The following GABRG3 variants were observed in gnomAD, a reference collection of about 807,000 sequenced individuals.
GABRG3 encodes gamma-aminobutyric acid receptor subunit gamma-3.
In GABRG3, 25 loss-of-function variants were observed where a neutral mutation model predicts 48.8. The observed-to-expected ratio is 0.51, with a 90% confidence interval of 0.37 to 0.72. The LOEUF (loss-of-function observed/expected upper bound fraction) is 0.72, where lower values mean the gene tolerates loss of function less well. Ranked by LOEUF, GABRG3 falls within the 30% of genes least tolerant of loss-of-function variation. GABRG3 has a pLI of 0.00. For synonymous variants in GABRG3, 227 were observed against 217.6 expected (o/e 1.04, Z -0.38); for missense variants, 394 against 577.9 (o/e 0.68, Z 3.26).
chr15:27,055,020 T>TG (rs1267909521), intron 3 of GABRG3, among the ~76,000 whole-genome samples: 1 of 151,538 alleles, frequency 6.6e-6, no homozygotes, highest in African/African-American at 2.4e-5. Flanking sequence ...TTTTTTTTTT[T>TG]TTTTTTTAAA....
At position 27,105,978 on chromosome 15, in the gene GABRG3, C is replaced by T. The variant is rs368877707; in HGVS notation, c.270+79157C>T. ...GAAGAGATCCTGCCATTTGCCACAA[C>T]ATGAATGAACCTGGAGGATATTATG... On this transcript the variant is annotated intron_variant, in intron 3 of 9. Transcript: ENST00000615808. Among the ~76,000 whole-genome samples, 78 of 152,198 alleles carry T rather than the reference C, an allele frequency of 5.1e-4. No homozygotes were observed. The South Asian group carries it at 0.016, about 31-fold the overall frequency.
At chr15:27,262,368 T>G (rs1439370651) in intron 3 of GABRG3, among the ~76,000 whole-genome samples, 1 of 152,214 alleles carries the variant, frequency 6.6e-6, no homozygotes, top group Non-Finnish European at 1.5e-5. Context: ...AAAGCAAGAA[T>G]GCAACAGGAT....
At chr15:26,987,308 A>G (rs2140643625) in intron 2 of GABRG3, among the ~76,000 whole-genome samples, 1 of 152,314 alleles carries the variant, frequency 6.6e-6, no homozygotes, top group East Asian at 1.9e-4. Context: ...TTGGTTTATG[A>G]GTACCGGAAT....
Position 27,382,844 on chromosome 15 carries a change from G to A in GABRG3, c.574+53956G>A, listed in dbSNP as rs199848361. Among the ~76,000 whole-genome samples the A allele has an allele frequency of 1.4e-4, 21 of 152,250 alleles. No homozygotes were observed. In the East Asian group the frequency reaches 2.7e-3, roughly 20 times the overall value. ...GACCACCGTGGGAGGAGTTGGTTTC[G>A]GTGGAACGATTAGGGAAACATCTGG... is the stretch of plus-strand genomic sequence containing the variant. On this transcript the variant is annotated intron_variant, in intron 5 of 9. Coordinates refer to ENST00000615808, the MANE Select transcript of GABRG3 (RefSeq NM_033223.5).
intron 3 of GABRG3, among the ~76,000 whole-genome samples, chr15:27,126,919 G>C (rs193218632): frequency 8.5e-5 from 13 of 152,186 alleles, no homozygotes; most frequent in African/African-American, 3.1e-4. Flanking sequence ...TAGTGAGGTA[G>C]CATTCGGCCT....
intron 5 of GABRG3, chr15:27,350,360 A>G (rs1595695727): frequency 3.1e-6 from 1 of 324,024 alleles, no homozygotes; most frequent in Non-Finnish European, 6.2e-6. Context: ...ACTACTCAAC[A>G]CTGGGAGGAA....
chr15:27,348,605 C>A (rs2140534000), intron 5 of GABRG3, among the ~76,000 whole-genome samples: 1 of 152,236 alleles, frequency 6.6e-6, no homozygotes, highest in Admixed American at 6.5e-5. Flanking sequence ...TTCTTTTAAC[C>A]ACTGTACTTT....
intron 5 of GABRG3, among the ~76,000 whole-genome samples, chr15:27,341,200 G>A (rs1894164651): frequency 6.6e-6 from 1 of 152,134 alleles, no homozygotes. Flanking sequence ...ACATTTAATG[G>A]TAGGGTACTT....
At chr15:27,048,421 C>T (rs978677434) in intron 3 of GABRG3, among the ~76,000 whole-genome samples, 19 of 152,120 alleles carry the variant, frequency 1.2e-4, no homozygotes, top group African/African-American at 3.1e-4. Flanking sequence ...CATCTGGCCC[C>T]GGCAGCAGGA....
chr15:27,378,489 A>T (rs1300614228), intron 5 of GABRG3, among the ~76,000 whole-genome samples: 1 of 152,184 alleles, frequency 6.6e-6, no homozygotes, highest in Non-Finnish European at 1.5e-5. Context: ...AAATTTACCC[A>T]CTGAGAATAA....
intron 6 of GABRG3, among the ~76,000 whole-genome samples, chr15:27,511,667 C>T (rs754054397): frequency 2.6e-5 from 4 of 152,180 alleles, no homozygotes; most frequent in Admixed American, 6.5e-5. Flanking sequence ...AGTGTCATCA[C>T]GGAACTTGTA....
At chr15:27,397,323 A>T (rs1887334890) in intron 5 of GABRG3, among the ~76,000 whole-genome samples, 1 of 151,962 alleles carries the variant, frequency 6.6e-6, no homozygotes, top group Non-Finnish European at 1.5e-5. Context: ...GGGAAACGAT[A>T]CCTGTGGAAA....
chr15:27,060,545 C>T (rs987679152), intron 3 of GABRG3, among the ~76,000 whole-genome samples: 4 of 152,206 alleles, frequency 2.6e-5, no homozygotes, highest in East Asian at 1.9e-4. Flanking sequence ...TGCATGCTTT[C>T]GTGAGTCCGT....
chr15:27,330,923 AGTG>A (rs1306957819), intron 5 of GABRG3, among the ~76,000 whole-genome samples: 1 of 152,228 alleles, frequency 6.6e-6, no homozygotes, highest in Non-Finnish European at 1.5e-5. Context: ...AATGTCAGAA[AGTG>A]GCACCTTCAA....
At chr15:27,388,214 G>A (rs1023096242) in intron 5 of GABRG3, among the ~76,000 whole-genome samples, 9 of 33,810 alleles carry the variant, frequency 2.7e-4, no homozygotes, top group Admixed American at 9.9e-4. Flanking sequence ...GGAAGGAAAG[G>A]AGGAAGGAAG....
chr15:27,329,968 G>A (rs749608967), intron 5 of GABRG3, among the ~76,000 whole-genome samples: 7 of 152,184 alleles, frequency 4.6e-5, no homozygotes, highest in Non-Finnish European at 1.0e-4. Flanking sequence ...GGGGCTGGGC[G>A]TGGTGGCTCA....
intron 3 of GABRG3, among the ~76,000 whole-genome samples, chr15:27,249,778 A>G (rs1283315138): frequency 6.6e-6 from 1 of 152,216 alleles, no homozygotes; most frequent in Non-Finnish European, 1.5e-5. Context: ...CTTTTACCAG[A>G]CACCGTGGGG....
At chr15:27,075,673 A>C (rs1017821496) in intron 3 of GABRG3, among the ~76,000 whole-genome samples, 1 of 152,230 alleles carries the variant, frequency 6.6e-6, no homozygotes, top group Non-Finnish European at 1.5e-5. Context: ...TAGACCATTA[A>C]AAGAAATCCG....
chr15:27,260,570 A>G (rs1890739956), intron 3 of GABRG3, among the ~76,000 whole-genome samples: 2 of 152,316 alleles, frequency 1.3e-5, no homozygotes, highest in Admixed American at 6.5e-5. Context: ...GAGGATGTGC[A>G]TAGGTTAGAC....
Sources: gnomAD v4.1 joint callset for allele counts (sites outside exome capture counted in the v4.1 genomes callset) on GRCh38, gnomAD v4.1.1 for gene constraint, MANE v1.5 for transcripts, NCBI Gene and HGNC (gene_info 2026-07-23, HGNC 2026-07-21) for gene names.